PTPRD: variants seen among roughly 807,000 people sequenced by gnomAD.
PTPRD encodes the protein receptor-type tyrosine-protein phosphatase delta.
A neutral mutation model predicts 214.5 loss-of-function variants in PTPRD; 34 were observed. That is an observed-to-expected ratio of 0.16 (90% CI 0.12 to 0.21). The LOEUF (loss-of-function observed/expected upper bound fraction) is 0.21, where lower values mean the gene tolerates loss of function less well. Among genes scored for constraint, PTPRD ranks in the 10% least tolerant of loss-of-function variants. PTPRD has a pLI of 1.00. For synonymous variants in PTPRD, 1,128 were observed against 845.7 expected, an observed-to-expected ratio of 1.33 and a Z score of -5.79; for missense variants, 2,545 against 2,398.7, an observed-to-expected ratio of 1.06 and a Z score of -1.27.
intron 10 of PTPRD, among the ~76,000 whole-genome samples, chr9:9,119,255 T>C (rs1010424805): frequency 2.0e-5 from 3 of 152,234 alleles, no homozygotes; most frequent in South Asian, 2.1e-4. Context: ...AACCAGTTAG[T>C]TGTTTTCCTA....
At chr9:10,014,612 C>T (rs971318945) in intron 4 of PTPRD, among the ~76,000 whole-genome samples, 1 of 151,922 alleles carries the variant, frequency 6.6e-6, no homozygotes, top group African/African-American at 2.4e-5. Context: ...TGAAAAGACA[C>T]AGCCTCAACA....
intron 11 of PTPRD, among the ~76,000 whole-genome samples, chr9:8,961,659 G>T (rs1232310242): frequency 6.6e-6 from 1 of 152,092 alleles, no homozygotes; most frequent in Non-Finnish European, 1.5e-5. Context: ...CTGAACAGAA[G>T]GTTTTAGTTT....
chr9:9,413,112 T>TC (rs1214866481), intron 8 of PTPRD, among the ~76,000 whole-genome samples: 6 of 114,032 alleles, frequency 5.3e-5, no homozygotes, highest in Non-Finnish European at 3.5e-5. Context: ...TTTTTTTTTT[T>TC]TTTTTTTTTT....
rs562926795 is a variant in PTPRD at position 10,397,993 on chromosome 9, A to G, written c.-599-56976T>C. 4.6e-5 allele frequency among the ~76,000 whole-genome samples: 7 copies of G among 151,962 alleles called. No individual in the cohort carries two copies. In the East Asian group the frequency reaches 7.9e-4, roughly 17 times the overall value. On this transcript the variant is annotated intron_variant, in intron 2 of 45. Coordinates refer to ENST00000381196, the MANE Select transcript of PTPRD (RefSeq NM_002839.4). ...CAGGTAAAATTAATACATTAACTGA[A>G]TTGTATGCATCATCCATTGTTCTAC... is the stretch of plus-strand genomic sequence containing the variant.
Position 8,951,986 on chromosome 9 carries a change from A to T in PTPRD, c.-104+66711T>A, listed in dbSNP as rs532668699. On this transcript the variant is annotated intron_variant, in intron 11 of 45. Coordinates refer to ENST00000381196, the MANE Select transcript of PTPRD (RefSeq NM_002839.4). The stretch of plus-strand genomic sequence containing the variant: ...CGGTCTCTGCTCAATTGATTTCTGA[A>T]AGGCCATTCATGAATATACATAATA... 2.2e-3 allele frequency among the ~76,000 whole-genome samples: 337 copies of T among 152,100 alleles called. 1 individual carries two copies. Among genetic ancestry groups the T allele is most frequent in the African/African-American group, 7.8e-3 (325 of 41,528 alleles).
chr9:9,955,649 A>G (rs1048072181), intron 4 of PTPRD, among the ~76,000 whole-genome samples: 10 of 151,258 alleles, frequency 6.6e-5, no homozygotes, highest in Non-Finnish European at 8.8e-5. Context: ...TCAGCCTCCC[A>G]AGTAGCTGGG....
intron 7 of PTPRD, among the ~76,000 whole-genome samples, chr9:9,687,443 A>G (rs200651569): frequency 6.6e-6 from 1 of 151,748 alleles, no homozygotes; most frequent in Non-Finnish European, 1.5e-5. Context: ...TGGACTGCCT[A>G]TGGGAAACTG....
At chr9:9,912,265 G>GA (rs1386479504) in intron 5 of PTPRD, among the ~76,000 whole-genome samples, 1 of 151,948 alleles carries the variant, frequency 6.6e-6, no homozygotes. Context: ...CACTTCAGTT[G>GA]AAAAAACAAA....
chr9:8,494,377 T>G (rs2097214324), intron 26 of PTPRD, among the ~76,000 whole-genome samples: 1 of 152,178 alleles, frequency 6.6e-6, no homozygotes, highest in Non-Finnish European at 1.5e-5. Flanking sequence ...AATGGACTAT[T>G]TGGGAGAAAT....
intron 14 of PTPRD, among the ~76,000 whole-genome samples, chr9:8,567,073 A>C (rs2154220018): frequency 6.6e-6 from 1 of 152,290 alleles, no homozygotes; most frequent in African/African-American, 2.4e-5. Context: ...CTTATTTGTA[A>C]GTAATTTCTC....
intron 7 of PTPRD, among the ~76,000 whole-genome samples, chr9:9,607,005 A>AAAAAAAAAAAAAAAAAAAAAAAT (rs1187365479): frequency 8.4e-6 from 1 of 119,604 alleles, no homozygotes; most frequent in Non-Finnish European, 1.7e-5. Flanking sequence ...AAAAAAAAAA[A>AAAAAAAAAAAAAAAAAAAAAAAT]GTGTTTCTGC....
intron 5 of PTPRD, among the ~76,000 whole-genome samples, chr9:9,846,666 T>G (rs1228221592): frequency 6.6e-6 from 1 of 152,102 alleles, no homozygotes; most frequent in Non-Finnish European, 1.5e-5. Context: ...CATGGAAACT[T>G]ATTTTTAAGA....
At position 8,316,757 on chromosome 9, in the gene PTPRD, G is replaced by A; in HGVS notation, c.*1117C>T. The A allele has an allele frequency of 4.3e-6, 1 of 230,658 alleles. No homozygotes were observed. The highest frequency in any genetic ancestry group is 8.6e-6 in the Non-Finnish European group (1 of 116,682). The allele number at this position is 230,658 out of a possible 1,614,324, so 14.3% of individuals were successfully genotyped here. On this transcript the variant is annotated 3_prime_UTR_variant, in exon 46 of 46. Transcript: ENST00000381196. The stretch of plus-strand genomic sequence containing the variant: ...ATTAGGTAGGAAATCAGGGGGTGAG[G>A]TTTGACAATCAATCACTGATGTGCA...
chr9:8,938,255 CAG>C lies in PTPRD; in HGVS notation c.-104+80440_-104+80441del, dbSNP rs57713617. Among the ~76,000 whole-genome samples, 1,414 of 150,962 alleles carry C rather than the reference CAG, an allele frequency of 9.4e-3. 25 individuals carry two copies. Among genetic ancestry groups the C allele is most frequent in the African/African-American group, 0.033 (1,348 of 41,080 alleles). On this transcript the variant is annotated intron_variant, in intron 11 of 45. Coordinates refer to ENST00000381196, the MANE Select transcript of PTPRD (RefSeq NM_002839.4). ...TTGATTGGATTTTAGGGGAGAGAAA[CAG>C]AGAGGGGAGAAGAGGAGAAGAGAGG...
intron 10 of PTPRD, among the ~76,000 whole-genome samples, chr9:9,172,760 G>C (rs983923479): frequency 1.3e-5 from 2 of 152,024 alleles, no homozygotes; most frequent in Non-Finnish European, 2.9e-5. Context: ...TGCCTATCTA[G>C]AATTTAACCA....
chr9:8,645,829 A>AT (rs1193428764), intron 12 of PTPRD, among the ~76,000 whole-genome samples: 1 of 141,638 alleles, frequency 7.1e-6, no homozygotes, highest in Admixed American at 7.3e-5. Context: ...TTGCCTTCCC[A>AT]GTCCTTCTCC....
At chr9:8,492,539 T>G (rs149197292) in intron 27 of PTPRD, among the ~76,000 whole-genome samples, 73 of 151,418 alleles carry the variant, frequency 4.8e-4, no homozygotes, top group Non-Finnish European at 8.8e-4. Flanking sequence ...ATTTCATGAG[T>G]GTAGATTCTT....
At position 8,486,182 on chromosome 9, in the gene PTPRD, G is replaced by C. The variant is rs201583436; in HGVS notation, c.2635C>G (p.His879Asp). The C allele has an allele frequency of 6.8e-5, 109 of 1,614,060 alleles. No homozygotes were observed. The highest frequency in any genetic ancestry group is 8.6e-5 in the Non-Finnish European group (101 of 1,180,034). Residue 879 changes from histidine (H) to aspartate (D), a missense_variant, in exon 28 of 46, where the codon CAC (histidine) becomes GAC (aspartate). His to Asp is a moderately conservative substitution (Grantham distance 81). Coordinates refer to ENST00000381196, the MANE Select transcript of PTPRD (RefSeq NM_002839.4). Reference protein sequence around the residue: ...TTLEFSEKEDHFTATDIHKGA... With the variant: ...TTLEFSEKEDDFTATDIHKGA... ...TTGTGGATGTCTGTAGCTGTAAAGTGATCTTCTTTTTCAGAGAACTCAAGA... is the reference window on the plus strand; with the variant it reads ...TTGTGGATGTCTGTAGCTGTAAAGTCATCTTCTTTTTCAGAGAACTCAAGA...
Position 8,709,290 on chromosome 9 carries a change from G to A in PTPRD, c.64+24490C>T, listed in dbSNP as rs562464367. 1.3e-3 allele frequency among the ~76,000 whole-genome samples: 196 copies of A among 152,012 alleles called. 1 individual carries two copies. Among genetic ancestry groups the A allele is most frequent in the Non-Finnish European group, 2.2e-3 (150 of 67,958 alleles). On this transcript the variant is annotated intron_variant, in intron 12 of 45. Coordinates refer to ENST00000381196, the MANE Select transcript of PTPRD (RefSeq NM_002839.4). ...AGCACTTTGGGAGGCTGAGGTGGGC[G>A]GATCACGAGGTCAGGAGATCGAGAC... is the stretch of plus-strand genomic sequence containing the variant.
Sources: allele counts gnomAD v4.1 joint callset (sites outside exome capture counted in the v4.1 genomes callset), GRCh38; gene constraint gnomAD v4.1.1; transcripts MANE v1.5; gene names NCBI Gene and HGNC (gene_info 2026-07-23, HGNC 2026-07-21).